CDIN1: variants seen among roughly 807,000 people sequenced by gnomAD.
CDIN1 encodes CDAN1 interacting nuclease 1, also known as CDAN1-interacting nuclease 1.
CDIN1 carries 33 observed loss-of-function variants against 45.3 expected under a neutral mutation model. The observed-to-expected ratio is 0.73, with a 90% CI of 0.55 to 0.97. The LOEUF (loss-of-function observed/expected upper bound fraction) is 0.97. CDIN1 is among the 50% of genes least tolerant of loss of function. CDIN1 has a pLI of 0.00. For synonymous variants in CDIN1, 118 were observed against 124.4 expected, an observed-to-expected ratio of 0.95 and a Z score of 0.34; for missense variants, 303 against 339.4, an observed-to-expected ratio of 0.89 and a Z score of 0.84.
At chr15:36,654,527 A>C (rs922072155) in intron 4 of CDIN1, among the ~76,000 whole-genome samples, 19 of 151,712 alleles carry the variant, frequency 1.3e-4, no homozygotes, top group Non-Finnish European at 5.9e-5. Flanking sequence ...AAAAAAAAAA[A>C]AAAAACTGCT....
chr15:36,766,028 A>G (rs1441534762), intron 10 of CDIN1, among the ~76,000 whole-genome samples: 1 of 152,176 alleles, frequency 6.6e-6, no homozygotes, highest in Non-Finnish European at 1.5e-5. Flanking sequence ...CCTCTTGCAT[A>G]ACTGAAACTT....
chr15:36,598,153 G>T (rs1486714570), intron 1 of CDIN1, among the ~76,000 whole-genome samples: 1 of 151,974 alleles, frequency 6.6e-6, no homozygotes, highest in East Asian at 1.9e-4. Context: ...ACCACAACTG[G>T]CTAATTTTTT....
intron 10 of CDIN1, among the ~76,000 whole-genome samples, chr15:36,719,209 G>A (rs1362279356): frequency 2.0e-5 from 3 of 152,098 alleles, no homozygotes; most frequent in African/African-American, 4.8e-5. Context: ...GGGCAGTAGA[G>A]TGAGACTCTG....
chr15:36,776,308 G>A (rs1034810338), intron 10 of CDIN1, among the ~76,000 whole-genome samples: 2 of 152,188 alleles, frequency 1.3e-5, no homozygotes, highest in Non-Finnish European at 2.9e-5. Flanking sequence ...ATACATGGTG[G>A]TGATAGAATC....
intron 1 of CDIN1, among the ~76,000 whole-genome samples, chr15:36,586,107 C>A (rs191906853): frequency 3.3e-5 from 5 of 152,158 alleles, no homozygotes; most frequent in East Asian, 1.9e-4. Flanking sequence ...TGACTAGTTC[C>A]GGCTCCTAGA....
At chr15:36,611,494 A>G (rs1809149) in intron 1 of CDIN1, among the ~76,000 whole-genome samples, 83,681 of 152,042 alleles carry the variant, frequency 0.55, 23,353 homozygotes, top group Admixed American at 0.63. Context: ...GAAATGAAGA[A>G]AGACTGAGAA....
Position 36,786,433 on chromosome 15 carries a change from G to A in CDIN1, c.717-21891G>A, listed in dbSNP as rs547340965. ...TAGTTGTTTGTTCACTGTGTGTATCGTGTACTTCCCCTGAGTGGACACATC... is the reference window on the plus strand; with the variant it reads ...TAGTTGTTTGTTCACTGTGTGTATCATGTACTTCCCCTGAGTGGACACATC... On this transcript the variant is annotated intron_variant, in intron 10 of 10. Transcript: ENST00000566621. Among the ~76,000 whole-genome samples the A allele has an allele frequency of 7.2e-5, 11 of 152,152 alleles. No individual in the cohort carries two copies. The South Asian group carries it at 8.3e-4, about 11-fold the overall frequency.
chr15:36,749,674 A>G (rs1161496358), intron 10 of CDIN1, among the ~76,000 whole-genome samples: 1 of 152,232 alleles, frequency 6.6e-6, no homozygotes, highest in African/African-American at 2.4e-5. Flanking sequence ...TAAAAAGCAA[A>G]AACAAAAAAG....
intron 3 of CDIN1, among the ~76,000 whole-genome samples, chr15:36,649,096 G>C (rs7173635): frequency 0.11 from 16,776 of 152,210 alleles, 1,014 homozygotes; most frequent in Middle Eastern, 0.16. Flanking sequence ...TTTCAGATAT[G>C]TAATCAAAGG....
chr15:36,673,743 G>T (rs1157206454), intron 5 of CDIN1, among the ~76,000 whole-genome samples: 1 of 151,922 alleles, frequency 6.6e-6, no homozygotes, highest in African/African-American at 2.4e-5. Context: ...AATTTGGCAG[G>T]GTGGGTGATT....
intron 1 of CDIN1, among the ~76,000 whole-genome samples, chr15:36,596,228 C>A (rs2037827565): frequency 6.6e-6 from 1 of 151,594 alleles, no homozygotes; most frequent in Non-Finnish European, 1.5e-5. Flanking sequence ...AAATTTTTAG[C>A]CCCTAATTCC....
intron 5 of CDIN1, among the ~76,000 whole-genome samples, chr15:36,659,921 CTTTCT>C (rs2040930233): frequency 6.9e-6 from 1 of 145,706 alleles, no homozygotes; most frequent in South Asian, 2.2e-4. Context: ...GGTTATCTTC[CTTTCT>C]TTTCTTCGTC....
chr15:36,579,920 T>A lies in CDIN1; in HGVS notation c.60T>A (p.Pro20=). Residue 20 remains proline, a synonymous_variant, in exon 1 of 11, where the codon CCT becomes CCA. Transcript: ENST00000566621. ...EIAQCLVSVP[P]TRQSLRKLKQ... is the part of the protein sequence containing the mutation. ...CCCAGTGCCTAGTGTCTGTGCCGCCTACCAGGCAGAGCCTGAGGAAGCTGA... is the reference window on the plus strand; with the variant it reads ...CCCAGTGCCTAGTGTCTGTGCCGCCAACCAGGCAGAGCCTGAGGAAGCTGA... The A allele has an allele frequency of 6.2e-7, 1 of 1,613,962 alleles. No homozygotes were observed. The highest frequency in any genetic ancestry group is 8.5e-7 in the Non-Finnish European group (1 of 1,179,888).
chr15:36,611,722 A>G (rs1200264624), intron 1 of CDIN1, among the ~76,000 whole-genome samples: 1 of 152,196 alleles, frequency 6.6e-6, no homozygotes, highest in African/African-American at 2.4e-5. Context: ...AACGGAATCG[A>G]TCATGTCTTG....
chr15:36,736,670 C>A (rs1248654728), intron 10 of CDIN1, among the ~76,000 whole-genome samples: 1 of 152,080 alleles, frequency 6.6e-6, no homozygotes, highest in African/African-American at 2.4e-5. Flanking sequence ...GCAGTATTAC[C>A]CATCCAGATC....
chr15:36,790,674 A>C (rs555563072), intron 10 of CDIN1, among the ~76,000 whole-genome samples: 1 of 152,260 alleles, frequency 6.6e-6, no homozygotes, highest in Admixed American at 6.5e-5. Context: ...ATTTTAAAAA[A>C]TATTAAAGGT....
intron 3 of CDIN1, among the ~76,000 whole-genome samples, chr15:36,646,732 T>C (rs2040346723): frequency 6.6e-6 from 1 of 152,204 alleles, no homozygotes; most frequent in African/African-American, 2.4e-5. Flanking sequence ...TGATTTTATG[T>C]CTGGATTTTA....
chr15:36,611,770 A>G (rs1395247389), intron 1 of CDIN1, among the ~76,000 whole-genome samples: 1 of 152,192 alleles, frequency 6.6e-6, no homozygotes, highest in Non-Finnish European at 1.5e-5. Context: ...CTTTTATCAA[A>G]TGAATATCAA....
intron 10 of CDIN1, among the ~76,000 whole-genome samples, chr15:36,719,006 T>C (rs2043314552): frequency 6.6e-6 from 1 of 151,732 alleles, no homozygotes; most frequent in South Asian, 2.1e-4. Flanking sequence ...GGAGAATCTC[T>C]TGAGGCCAGG....
Sources: allele counts gnomAD v4.1 joint callset (sites outside exome capture counted in the v4.1 genomes callset), GRCh38; gene constraint gnomAD v4.1.1; transcripts MANE v1.5; gene names NCBI Gene and HGNC (gene_info 2026-07-23, HGNC 2026-07-21).